Variants in CD40 observed in about 807,000 individuals in gnomAD.
CD40 encodes tumor necrosis factor receptor superfamily member 5.
CD40 carries 19 observed loss-of-function variants against 38.5 expected under a neutral mutation model. That is an observed-to-expected ratio of 0.49 (90% CI 0.34 to 0.72). The LOEUF (loss-of-function observed/expected upper bound fraction) is 0.72, where lower values mean the gene tolerates loss of function less well. Ranked by LOEUF, CD40 falls within the 30% of genes least tolerant of loss-of-function variation. The pLI, the probability that CD40 is intolerant of heterozygous loss-of-function variation, is 0.01. For missense variants in CD40, 256 were observed against 344.1 expected (o/e 0.74, Z 2.03); for synonymous variants, 130 against 128.7 (o/e 1.01, Z -0.07).
In CD40 at chr20:46,122,992, G is replaced by A. The variant is rs1485080171; in HGVS notation, c.404-134G>A. ...AGTCCTCCTGGGGACTGCAGCTGTC[G>A]GGGGCAGTACCACATCGGGGGAAGA... is the stretch of plus-strand genomic sequence containing the variant. On this transcript the variant is annotated intron_variant, in intron 4 of 8. Coordinates refer to ENST00000372285, the MANE Select transcript of CD40 (RefSeq NM_001250.6). This position sits in a 1 kb window ranked among gnomAD's most constrained non-coding sequence, Gnocchi z 5.0. The A allele has an allele frequency of 1.0e-5, 9 of 882,136 alleles. No individual in the cohort carries two copies. Among genetic ancestry groups the A allele is most frequent in the Non-Finnish European group, 1.5e-5 (8 of 532,890 alleles). The allele number at this position is 882,136 out of a possible 1,614,324, so 54.6% of individuals were successfully genotyped here.
chr20:46,121,601 T>C lies in CD40; in HGVS notation c.52-219T>C. The C allele has an allele frequency of 1.3e-5, 8 of 606,376 alleles. 1 individual carries two copies. The highest frequency in any genetic ancestry group is 1.3e-4 in the South Asian group (7 of 55,288). 37.6% of individuals were successfully genotyped at this position (606,376 alleles called of 1,614,324 possible). A position where few individuals can be genotyped will look rare whatever the true frequency, so the allele number is the denominator to read the frequency against. On this transcript the variant is annotated intron_variant, in intron 1 of 8. Coordinates refer to ENST00000372285, the MANE Select transcript of CD40 (RefSeq NM_001250.6). Reference sequence around the variant, plus strand: ...TATTGTGAGTTTACAGTACCATTGCTTTGTAAAAATACCAGAATGATTCTC... The same window carrying C: ...TATTGTGAGTTTACAGTACCATTGCCTTGTAAAAATACCAGAATGATTCTC...
At chr20:46,124,827 C>T (rs1261717505) in intron 5 of CD40, among the ~76,000 whole-genome samples, 17 of 125,340 alleles carry the variant, frequency 1.4e-4, no homozygotes, top group Admixed American at 1.1e-4. Context: ...AGTGCAGTGG[C>T]GCAATCTCGG....
At chr20:46,121,965 A>G (rs1446233680) in intron 2 of CD40, 67 bp downstream of exon 2, 6 of 1,302,810 alleles carry the variant, frequency 4.6e-6, no homozygotes, top group South Asian at 2.4e-5. Flanking sequence ...CGCAGACCCC[A>G]TATGTTAACT....
At chr20:46,126,384 CATT>C (rs1209271927) in intron 5 of CD40, among the ~76,000 whole-genome samples, 1 of 152,192 alleles carries the variant, frequency 6.6e-6, no homozygotes, top group African/African-American at 2.4e-5. Context: ...GCTTGGCACT[CATT>C]ATAGACTCCC....
Position 46,123,132 on chromosome 20 carries a change from G to T in CD40, c.410G>T (p.Gly137Val). 6.2e-7 allele frequency: 1 copy of T among 1,613,726 alleles called. No homozygotes were observed. The highest frequency in any genetic ancestry group is 8.5e-7 in the Non-Finnish European group (1 of 1,179,590). Residue 137 changes from glycine to valine, a missense_variant, in exon 5 of 9, where the codon GGG becomes GTG. Transcript: ENST00000372285. The stretch of plus-strand genomic sequence containing the variant: ...CCTCCCCACCCACTCCCAGCTACAG[G>T]GGTTTCTGATACCATCTGCGAGCCC... Reference protein sequence around the residue: ...PGFGVKQIATGVSDTICEPCP... With the variant: ...PGFGVKQIATVVSDTICEPCP...
chr20:46,128,748 C>G (rs890813629), intron 8 of CD40, 134 bp from the exon 9 acceptor site: 2 of 920,406 alleles, frequency 2.2e-6, no homozygotes, highest in Non-Finnish European at 3.4e-6. Context: ...AGGAGGCACC[C>G]GAGGAATCAG....
Position 46,122,909 on chromosome 20 carries a change from G to A in CD40, c.403+153G>A, listed in dbSNP as rs1179957273. ...TCCCCACTGGAGTGAGCTGCAGACG[G>A]GACCTTGTTCATTCTGCCTTCTGCC... is the stretch of plus-strand genomic sequence containing the variant. On this transcript the variant is annotated intron_variant, in intron 4 of 8. Coordinates refer to ENST00000372285, the MANE Select transcript of CD40 (RefSeq NM_001250.6). The surrounding 1 kb of genome is among the most constrained non-coding windows in gnomAD (Gnocchi z 5.0). 2.9e-6 allele frequency: 3 copies of A among 1,042,226 alleles called. No individual in the cohort carries two copies. Among genetic ancestry groups the A allele is most frequent in the Non-Finnish European group, 2.8e-6 (2 of 706,184 alleles). 64.6% of individuals were successfully genotyped at this position (1,042,226 alleles called of 1,614,324 possible).
chr20:46,122,087 T>G lies in CD40; in HGVS notation c.131-146T>G. ...TCTACCCTGAACTAGGGATCCCAGCTTCTCCATCTTCCTCGCCTGATTATG... is the reference window on the plus strand; with the variant it reads ...TCTACCCTGAACTAGGGATCCCAGCGTCTCCATCTTCCTCGCCTGATTATG... On this transcript the variant is annotated intron_variant, in intron 2 of 8. Coordinates refer to ENST00000372285, the MANE Select transcript of CD40 (RefSeq NM_001250.6). This position sits in a 1 kb window ranked among gnomAD's most constrained non-coding sequence, Gnocchi z 5.0. 1 of 1,137,312 alleles carries G rather than the reference T, an allele frequency of 8.8e-7. No homozygotes were observed. The highest frequency in any genetic ancestry group is 1.3e-6 in the Non-Finnish European group (1 of 762,158). The allele number at this position is 1,137,312 out of a possible 1,614,324, so 70.5% of individuals were successfully genotyped here. A position where few individuals can be genotyped will look rare whatever the true frequency, so the allele number is the denominator to read the frequency against.
At chr20:46,121,986 AT>A in intron 2 of CD40, 88 bp downstream of exon 2, 3 of 1,193,762 alleles carry the variant, frequency 2.5e-6, no homozygotes, top group Non-Finnish European at 3.7e-6. Flanking sequence ...GTAAACTCAA[AT>A]CTGAAACGAC....
intron 6 of CD40, among the ~76,000 whole-genome samples, chr20:46,127,695 C>A (rs1049604028): frequency 2.0e-5 from 3 of 152,172 alleles, no homozygotes; most frequent in African/African-American, 7.2e-5. Context: ...TTACCTTTCC[C>A]CTCCACTCTT....
Position 46,122,698 on chromosome 20 carries a change from C to G in CD40, c.345C>G (p.Ala115=). The G allele has an allele frequency of 6.2e-7, 1 of 1,614,138 alleles. No individual in the cohort carries two copies. The highest frequency in any genetic ancestry group is 8.5e-7 in the Non-Finnish European group (1 of 1,180,034). ...AAGGCTGGCACTGTACGAGTGAGGC[C>G]TGTGAGAGCTGTGTCCTGCACCGCT... ...CEEGWHCTSE[A]CESCVLHRSC... is the part of the protein sequence containing the mutation. Residue 115 remains alanine, a synonymous_variant, in exon 4 of 9, where the codon GCC becomes GCG. Transcript: ENST00000372285. The surrounding 1 kb of genome is among the most constrained non-coding windows in gnomAD (Gnocchi z 5.0).
In CD40 at chr20:46,129,234, C is replaced by T; in HGVS notation, c.*194C>T. On this transcript the variant is annotated 3_prime_UTR_variant, in exon 9 of 9. Coordinates refer to ENST00000372285, the MANE Select transcript of CD40 (RefSeq NM_001250.6). ...GCAGAAACAGTTCACCTTGAAGAACCTCTCACTTCACCCTGGAGCCCATCC... is the reference window on the plus strand; with the variant it reads ...GCAGAAACAGTTCACCTTGAAGAACTTCTCACTTCACCCTGGAGCCCATCC... The T allele has an allele frequency of 1.6e-6, 1 of 643,474 alleles. No individual in the cohort carries two copies. Among genetic ancestry groups the T allele is most frequent in the Admixed American group, 2.2e-5 (1 of 45,068 alleles). 39.9% of individuals were successfully genotyped at this position (643,474 alleles called of 1,614,324 possible).
chr20:46,128,632 C>A (rs1377161894), intron 8 of CD40: 6 of 683,560 alleles, frequency 8.8e-6, no homozygotes. Context: ...CATCTTTGGG[C>A]CTTGGGGCTG....
Position 46,128,304 on chromosome 20 carries a change from C to CTT in CD40, c.647-4_647-3dup, listed in dbSNP as rs749590513. 171,700 of 1,331,428 alleles carry CTT rather than the reference C, an allele frequency of 0.13. 3,438 individuals carry two copies. The highest frequency in any genetic ancestry group is 0.16 in the East Asian group (5,821 of 35,454). The allele number at this position is 1,331,428 out of a possible 1,614,324, so 82.5% of individuals were successfully genotyped here. A position where few individuals can be genotyped will look rare whatever the true frequency, so the allele number is the denominator to read the frequency against. ...TATCTGGCCTCTCCAACTCCCCATC[C>CTT]TTTTTTTTTTTTTTTTTTTTTTTAG... On this transcript the variant is annotated intron_variant, in intron 7 of 8. Coordinates refer to ENST00000372285, the MANE Select transcript of CD40 (RefSeq NM_001250.6).
At chr20:46,125,566 A>T (rs2145604489) in intron 5 of CD40, among the ~76,000 whole-genome samples, 1 of 151,742 alleles carries the variant, frequency 6.6e-6, no homozygotes, top group South Asian at 2.1e-4. Context: ...AAAAAAAAAA[A>T]AAAAAGACTA....
intron 8 of CD40, 161 bp downstream of exon 8, chr20:46,128,519 A>G (rs75892394): frequency 1.2e-6 from 1 of 808,474 alleles, no homozygotes; most frequent in Non-Finnish European, 2.1e-6. Context: ...TGCTCCTTCC[A>G]TCCAGAGCTC....
chr20:46,123,802 C>T (rs551978711), intron 5 of CD40, among the ~76,000 whole-genome samples: 5 of 152,184 alleles, frequency 3.3e-5, no homozygotes, highest in Non-Finnish European at 7.3e-5. Context: ...GAGCGTTCGA[C>T]AGTTTCTTTC....
chr20:46,121,006 A>T (rs1201433999), intron 1 of CD40, among the ~76,000 whole-genome samples: 1 of 152,248 alleles, frequency 6.6e-6, no homozygotes, highest in Middle Eastern at 3.2e-3. Context: ...TAGAGGTTGC[A>T]GTGGGCTGAG....
intron 8 of CD40, chr20:46,128,671 G>A: frequency 1.5e-6 from 1 of 658,278 alleles, no homozygotes; most frequent in Non-Finnish European, 2.7e-6. Context: ...AAATGTGGCA[G>A]CCCCTTAAGC....
Sources: allele counts gnomAD v4.1 joint callset (sites outside exome capture counted in the v4.1 genomes callset), GRCh38; gene constraint gnomAD v4.1.1; non-coding constraint Gnocchi (gnomAD v3.1); transcripts MANE v1.5; gene names NCBI Gene and HGNC (gene_info 2026-07-23, HGNC 2026-07-21).